The following PLD1 variants were observed in gnomAD, a reference collection of about 807,000 sequenced individuals.
PLD1 encodes the protein choline phosphatase 1.
Under a neutral mutation model 137.1 loss-of-function variants are expected in PLD1, and 112 were observed. That is an observed-to-expected ratio of 0.82 (90% CI 0.70 to 0.96). The LOEUF (loss-of-function observed/expected upper bound fraction) is 0.96, where lower values mean the gene tolerates loss of function less well. PLD1 is among the 40% of genes least tolerant of loss of function. The pLI is 0.00. For synonymous variants in PLD1, 431 were observed against 454.7 expected, an observed-to-expected ratio of 0.95 and a Z score of 0.66; for missense variants, 1,321 against 1,342.0, an observed-to-expected ratio of 0.98 and a Z score of 0.24.
At chr3:171,750,325 C>G (rs1720565219) in intron 1 of PLD1, among the ~76,000 whole-genome samples, 1 of 151,988 alleles carries the variant, frequency 6.6e-6, no homozygotes. Flanking sequence ...TAGAAATTAT[C>G]CAATCTGAAG....
At chr3:171,807,257 T>TAC (rs1723888455) in intron 1 of PLD1, among the ~76,000 whole-genome samples, 1 of 151,800 alleles carries the variant, frequency 6.6e-6, no homozygotes, top group Non-Finnish European at 1.5e-5. Context: ...GTTGTGCCAC[T>TAC]ACACTCCAAC....
intron 9 of PLD1, among the ~76,000 whole-genome samples, chr3:171,709,934 T>A (rs557177424): frequency 6.6e-6 from 1 of 152,206 alleles, no homozygotes; most frequent in Non-Finnish European, 1.5e-5. Flanking sequence ...TGCATAAAGG[T>A]ACTTACCATA....
intron 1 of PLD1, among the ~76,000 whole-genome samples, chr3:171,780,074 C>G (rs1307574152): frequency 6.6e-6 from 1 of 151,758 alleles, no homozygotes; most frequent in Non-Finnish European, 1.5e-5. Flanking sequence ...ATACATAAGT[C>G]TGAGATTCAG....
chr3:171,608,232 C>T (rs116441989), intron 25 of PLD1, among the ~76,000 whole-genome samples: 6,331 of 152,138 alleles, frequency 0.042, 185 homozygotes, highest in Non-Finnish European at 0.066. Flanking sequence ...ATCTTCCTCC[C>T]CACCAATAAT....
At chr3:171,718,181 C>A (rs1717817727) in intron 8 of PLD1, among the ~76,000 whole-genome samples, 1 of 152,164 alleles carries the variant, frequency 6.6e-6, no homozygotes, top group African/African-American at 2.4e-5. Flanking sequence ...CAACTCTATG[C>A]ACATAAACTA....
chr3:171,709,839 A>AC, intron 9 of PLD1, 130 bp from the exon 10 acceptor site: 1 of 723,780 alleles, frequency 1.4e-6, no homozygotes, highest in Non-Finnish European at 2.3e-6. Context: ...CAGGCATTTA[A>AC]CATTTTTTGG....
At chr3:171,630,517 T>C (rs1419956965) in intron 23 of PLD1, among the ~76,000 whole-genome samples, 1 of 130,884 alleles carries the variant, frequency 7.6e-6, no homozygotes, top group Non-Finnish European at 1.6e-5. Flanking sequence ...TTACTGGGTA[T>C]ATACCCAAAG....
At chr3:171,634,146 C>G (rs1275125224) in intron 23 of PLD1, among the ~76,000 whole-genome samples, 4 of 152,176 alleles carry the variant, frequency 2.6e-5, no homozygotes, top group African/African-American at 7.2e-5. Flanking sequence ...ATTTTCCCCA[C>G]TGAGATGCCT....
intron 16 of PLD1, among the ~76,000 whole-genome samples, chr3:171,680,972 A>G (rs1051388588): frequency 6.6e-6 from 1 of 152,170 alleles, no homozygotes; most frequent in Admixed American, 6.5e-5. Context: ...CCCTGCCCCT[A>G]GGGATTTTCC....
intron 23 of PLD1, 106 bp from the exon 24 acceptor site, chr3:171,620,626 G>C: frequency 5.8e-6 from 3 of 521,732 alleles, no homozygotes; most frequent in South Asian, 7.7e-5. Flanking sequence ...GTTCAGAATA[G>C]ATTGTATATT....
At chr3:171,696,319 G>C (rs533202671) in intron 12 of PLD1, among the ~76,000 whole-genome samples, 65 of 152,344 alleles carry the variant, frequency 4.3e-4, no homozygotes, top group African/African-American at 1.5e-3. Context: ...GTTGTGAACA[G>C]TCTGCCTCTG....
At chr3:171,737,493 T>C (rs1176155664) in intron 3 of PLD1, 39 bp downstream of exon 3, 27 of 1,571,182 alleles carry the variant, frequency 1.7e-5, no homozygotes, top group Non-Finnish European at 2.2e-5. Flanking sequence ...TCACATATAT[T>C]GACAAAAGAA....
At chr3:171,754,786 A>G (rs557513225) in intron 1 of PLD1, among the ~76,000 whole-genome samples, 1 of 152,324 alleles carries the variant, frequency 6.6e-6, no homozygotes, top group South Asian at 2.1e-4. Context: ...AAGTGGCAAA[A>G]CATCTCAAAT....
intron 1 of PLD1, among the ~76,000 whole-genome samples, chr3:171,786,818 T>A (rs1723027974): frequency 6.6e-6 from 1 of 152,142 alleles, no homozygotes; most frequent in South Asian, 2.1e-4. Flanking sequence ...CTAGAATAGG[T>A]AACATGGGAA....
chr3:171,673,517 C>T (rs1713009065), intron 19 of PLD1, among the ~76,000 whole-genome samples: 1 of 151,984 alleles, frequency 6.6e-6, no homozygotes, highest in South Asian at 2.1e-4. Flanking sequence ...GTGATCCACC[C>T]GCCTCGGCCT....
intron 1 of PLD1, among the ~76,000 whole-genome samples, chr3:171,750,352 A>G (rs1420320255): frequency 6.6e-6 from 1 of 152,244 alleles, no homozygotes; most frequent in African/African-American, 2.4e-5. Context: ...CAGAGGGGAA[A>G]AAAGATTTTT....
At chr3:171,693,289 G>A (rs56055339) in intron 12 of PLD1, among the ~76,000 whole-genome samples, 1,956 of 152,126 alleles carry the variant, frequency 0.013, 38 homozygotes, top group African/African-American at 0.041. Context: ...ACCTTCTTAC[G>A]ACGTCTGCAC....
rs1721827625 is a variant in PLD1 at position 171,764,938 on chromosome 3, GAAAGAAAGAAA to G, written c.-31-26867_-31-26857del. The stretch of plus-strand genomic sequence containing the variant: ...AAAGAAAGAAAGGAAAGAAAGGAAA[GAAAGAAAGAAA>G]GAAAGAAAGAAAGAAAGAAAGAAAG... On this transcript the variant is annotated intron_variant, in intron 1 of 26. Coordinates refer to ENST00000351298, the MANE Select transcript of PLD1 (RefSeq NM_002662.5). 1.8e-3 allele frequency among the ~76,000 whole-genome samples: 11 copies of G among 6,222 alleles called. 1 individual carries two copies. The highest frequency in any genetic ancestry group is 2.4e-3 in the Non-Finnish European group (7 of 2,872). The allele number at this position is 6,222 out of a possible 152,430, so 4.1% of individuals were successfully genotyped here.
At position 171,787,254 on chromosome 3, in the gene PLD1, C is replaced by T. The variant is rs149966700; in HGVS notation, c.-32+23145G>A. Among the ~76,000 whole-genome samples, 69 of 152,210 alleles carry T rather than the reference C, an allele frequency of 4.5e-4. 1 individual carries two copies. Among genetic ancestry groups the T allele is most frequent in the African/African-American group, 1.4e-3 (60 of 41,526 alleles). ...AACAGGTAGCTGACCAGGGTTTTAC[C>T]GAGTCTGTATGGTACATTAGGTGTC... On this transcript the variant is annotated intron_variant, in intron 1 of 26. Transcript: ENST00000351298.
Sources: gnomAD v4.1 joint callset for allele counts (sites outside exome capture counted in the v4.1 genomes callset) on GRCh38, gnomAD v4.1.1 for gene constraint, MANE v1.5 for transcripts, NCBI Gene and HGNC (gene_info 2026-07-23, HGNC 2026-07-21) for gene names.